The following LENG8 variants were observed in gnomAD, a reference collection of about 807,000 sequenced individuals.
LENG8 encodes leukocyte receptor cluster member 8.
A neutral mutation model predicts 102.1 loss-of-function variants in LENG8; 28 were observed. The observed-to-expected ratio is 0.27, with a 90% CI of 0.20 to 0.38. LENG8 has a LOEUF of 0.38. LENG8 is among the 10% of genes least tolerant of loss of function. The pLI is 1.00. For synonymous variants in LENG8, 531 were observed against 456.7 expected (o/e 1.16, Z -2.07); for missense variants, 1,022 against 1,113.9 (o/e 0.92, Z 1.17).
chr19:54,454,730 A>T, intron 6 of LENG8, 48 bp downstream of exon 6: 1 of 1,530,238 alleles, frequency 6.5e-7, no homozygotes, highest in South Asian at 1.2e-5. Flanking sequence ...GGCCCTCATA[A>T]GAGCTCCTGG....
chr19:54,452,682 A>G lies in LENG8; in HGVS notation c.245A>G (p.Gln82Arg), dbSNP rs1033583489. 8.1e-6 allele frequency: 13 copies of G among 1,607,424 alleles called. No individual in the cohort carries two copies. ...TCCCAGGCAGAAGCCTCAGCTTTGCAGCAGCAGCAGTACTACCAGTGGTAC... is the reference window on the plus strand; with the variant it reads ...TCCCAGGCAGAAGCCTCAGCTTTGCGGCAGCAGCAGTACTACCAGTGGTAC... Reference protein sequence around the residue: ...YVSQAEASALQQQQYYQWYQQ... With the variant: ...YVSQAEASALRQQQYYQWYQQ... The change falls in exon 4 of 16, where the codon CAG becomes CGG. Residue 82 changes from glutamine to arginine, a missense_variant. Physicochemically the swap from Gln to Arg is conservative, Grantham distance 43. Around this residue, in one of 7 missense-constraint regions of LENG8, gnomAD observed 343 missense variants for 320.2 expected, o/e 1.07. Coordinates refer to ENST00000326764, the MANE Select transcript of LENG8 (RefSeq NM_052925.4).
At chr19:54,452,864 G>A (rs1481161119) in intron 4 of LENG8, 112 bp downstream of exon 4, 16 of 765,180 alleles carry the variant, frequency 2.1e-5, no homozygotes, top group African/African-American at 1.0e-4. Context: ...ACTGGAGATC[G>A]CAGTGATAAC....
chr19:54,459,585 C>G (rs1432999791), intron 15 of LENG8: 1 of 989,722 alleles, frequency 1.0e-6, no homozygotes, highest in Non-Finnish European at 1.2e-6. Flanking sequence ...AGGTGGCCCT[C>G]CACGTGAGGT....
At chr19:54,454,707 G>A in intron 6 of LENG8, 25 bp downstream of exon 6, 1 of 1,569,588 alleles carries the variant, frequency 6.4e-7, no homozygotes, top group Non-Finnish European at 8.6e-7. Flanking sequence ...CTACGTGGAG[G>A]TCCGAGCGGT....
intron 15 of LENG8, 47 bp from the exon 16 acceptor site, chr19:54,460,719 G>GGCCCCCCCCCCCCCC: frequency 5.1e-6 from 4 of 778,920 alleles, no homozygotes; most frequent in South Asian, 4.2e-5. Flanking sequence ...GCCCTCCCCT[G>GGCCCCCCCCCCCCCC]CCCTCCCGCC....
In LENG8 at chr19:54,454,696, G is replaced by T; in HGVS notation, c.679+14G>T. 1 of 1,581,926 alleles carries T rather than the reference G, an allele frequency of 6.3e-7. No homozygotes were observed. The highest frequency in any genetic ancestry group is 8.6e-7 in the Non-Finnish European group (1 of 1,165,772). ...ACCGCATGAAACGTAAGTTGGCAGA[G>T]CTACGTGGAGGTCCGAGCGGTTGGG... On this transcript the variant is annotated intron_variant, in intron 6 of 15. Coordinates refer to ENST00000326764, the MANE Select transcript of LENG8 (RefSeq NM_052925.4).
At chr19:54,457,906 G>A (rs1174430937) in intron 12 of LENG8, 28 bp from the exon 13 acceptor site, 1 of 1,614,016 alleles carries the variant, frequency 6.2e-7, no homozygotes, top group African/African-American at 1.3e-5. Context: ...CGCTCCTTGT[G>A]ACTCTTGTTC....
Position 54,461,138 on chromosome 19 carries a change from G to A in LENG8, c.*210G>A, listed in dbSNP as rs1293419118. ...TTTTTTGCCTCAGAGGGATGGGATT[G>A]GGGAGGAGGGGATGGGCAGCGGAGG... On this transcript the variant is annotated 3_prime_UTR_variant, in exon 16 of 16. Transcript: ENST00000326764. 1.3e-6 allele frequency: 1 copy of A among 774,150 alleles called. No homozygotes were observed. Among genetic ancestry groups the A allele is most frequent in the Non-Finnish European group, 2.2e-6 (1 of 455,768 alleles). 48.0% of individuals were successfully genotyped at this position (774,150 alleles called of 1,614,324 possible).
intron 6 of LENG8, 114 bp downstream of exon 6, chr19:54,454,796 C>T (rs2123113774): frequency 7.0e-7 from 1 of 1,429,898 alleles, no homozygotes; most frequent in Non-Finnish European, 9.4e-7. Context: ...GATCGCCAGG[C>T]TGGGGGTGGG....
intron 15 of LENG8, chr19:54,460,385 GGCA>G (rs1351410638): frequency 8.3e-7 from 1 of 1,209,602 alleles, no homozygotes; most frequent in Non-Finnish European, 1.0e-6. Flanking sequence ...GGGCAGGGGA[GGCA>G]GCGAGGGCTG....
intron 1 of LENG8, among the ~76,000 whole-genome samples, 169 bp from the exon 2 acceptor site, chr19:54,451,121 C>G (rs538757050): frequency 6.6e-6 from 1 of 152,268 alleles, no homozygotes; most frequent in South Asian, 2.1e-4. Context: ...CTCACTCCAG[C>G]CTTTCTAGTC....
intron 3 of LENG8, 56 bp downstream of exon 3, chr19:54,452,323 C>T (rs2083999786): frequency 6.8e-7 from 1 of 1,462,876 alleles, no homozygotes; most frequent in South Asian, 1.2e-5. Context: ...GGGAGGGACA[C>T]AGTCTGGCGT....
intron 4 of LENG8, 71 bp downstream of exon 4, chr19:54,452,823 G>A (rs2084025616): frequency 2.7e-6 from 3 of 1,110,712 alleles, no homozygotes. Context: ...GTGAAGTGGA[G>A]TCTGCCGGGA....
In LENG8 at chr19:54,460,605, G is replaced by A. The variant is rs867560696; in HGVS notation, c.2241-161G>A. 53 of 1,364,576 alleles carry A rather than the reference G, an allele frequency of 3.9e-5. No individual in the cohort carries two copies. The African/African-American group carries it at 4.4e-4, about 11-fold the overall frequency. 84.5% of individuals were successfully genotyped at this position (1,364,576 alleles called of 1,614,324 possible). On this transcript the variant is annotated intron_variant, in intron 15 of 15. Transcript: ENST00000326764. Reference sequence around the variant, plus strand: ...CACTAACCCCCCCCGGGCCCCCCCCGAGCCCCTGAGGTGGGGAGGCTGGGA... The same window carrying A: ...CACTAACCCCCCCCGGGCCCCCCCCAAGCCCCTGAGGTGGGGAGGCTGGGA...
At chr19:54,457,062 C>G in intron 11 of LENG8, 141 bp downstream of exon 11, 2 of 1,020,622 alleles carry the variant, frequency 2.0e-6, no homozygotes, top group African/African-American at 1.6e-5. Context: ...CTCGGCTGGT[C>G]GGCATTCTGA....
At position 54,453,602 on chromosome 19, in the gene LENG8, C is replaced by G. The variant is rs778387119; in HGVS notation, c.372C>G (p.Gly124=). The G allele has an allele frequency of 6.2e-7, 1 of 1,614,060 alleles. No individual in the cohort carries two copies. The highest frequency in any genetic ancestry group is 1.1e-5 in the South Asian group (1 of 91,054). ...PSQYGMAGSY[G]SATPQQPSAP... ...AGTATGGGATGGCCGGCTCCTATGGCTCAGCCACACCCCAGCAGCCATCCG... is the reference window on the plus strand; with the variant it reads ...AGTATGGGATGGCCGGCTCCTATGGGTCAGCCACACCCCAGCAGCCATCCG... The change falls in exon 5 of 16, where the codon GGC becomes GGG. Residue 124 remains glycine (G), a synonymous_variant. Coordinates refer to ENST00000326764, the MANE Select transcript of LENG8 (RefSeq NM_052925.4).
At chr19:54,452,785 G>A (rs750985896) in intron 4 of LENG8, 33 bp downstream of exon 4, 9 of 1,513,008 alleles carry the variant, frequency 5.9e-6, no homozygotes, top group Non-Finnish European at 7.3e-6. Flanking sequence ...GGGGCAGGGC[G>A]AGGTGGAGTC....
chr19:54,460,262 A>G, intron 15 of LENG8: 1 of 1,278,178 alleles, frequency 7.8e-7, no homozygotes, highest in Non-Finnish European at 1.0e-6. Context: ...GGCTCGTGCT[A>G]GATGCTCAGT....
At chr19:54,458,828 TAGTTCACTCCTTGCCCTGGGCTTCCTCAG>T (rs761141641) in intron 15 of LENG8, 1 of 1,551,014 alleles carries the variant, frequency 6.4e-7, no homozygotes. Flanking sequence ...CTGGACCCCC[TAGTTCACTCCTTGCCCTGGGCTTCCTCAG>T]AACCCTGAGG....
Sources: gnomAD v4.1 joint callset for allele counts (sites outside exome capture counted in the v4.1 genomes callset) on GRCh38, gnomAD v4.1.1 for gene constraint, gnomAD v4.1.1 regional missense constraint, MANE v1.5 for transcripts, NCBI Gene and HGNC (gene_info 2026-07-23, HGNC 2026-07-21) for gene names.